The following PCDHAC1 variants were observed in gnomAD, a reference collection of about 807,000 sequenced individuals.
The protein encoded by PCDHAC1 is protocadherin alpha subfamily C, 1, also known as protocadherin alpha-C1.
Under a neutral mutation model 60.0 loss-of-function variants are expected in PCDHAC1, and 42 were observed. The observed-to-expected ratio is 0.70, with a 90% CI of 0.55 to 0.90. PCDHAC1 has a LOEUF of 0.90. Ranked by LOEUF, PCDHAC1 falls within the 40% of genes least tolerant of loss-of-function variation. PCDHAC1 has a pLI of 0.00. For synonymous variants in PCDHAC1, 468 were observed against 499.3 expected (o/e 0.94, Z 0.84); for missense variants, 1,160 against 1,222.3 (o/e 0.95, Z 0.76).
intron 3 of PCDHAC1, among the ~76,000 whole-genome samples, chr5:140,985,922 G>A (rs1361292887): frequency 6.6e-6 from 1 of 151,826 alleles, no homozygotes; most frequent in African/African-American, 2.4e-5. Flanking sequence ...TGTATTTTTA[G>A]TAGAGCCGGG....
Position 140,928,309 on chromosome 5 carries a change from G to C in PCDHAC1, c.1417G>C (p.Asp473His). The change falls in exon 1 of 4, where the codon GAC becomes CAC. Residue 473 changes from aspartate (D) to histidine (H), a missense_variant. Asp to His is a moderately conservative substitution (Grantham distance 81). Transcript: ENST00000253807. ...AGGCCGAGTGTTTGCCCAGGACCCC[G>C]ACCTGGGGAAGAATGGCCTTGTCTC... ...SLGRVFAQDP[D>H]LGKNGLVSYE... The C allele has an allele frequency of 6.2e-7, 1 of 1,614,124 alleles. No individual in the cohort carries two copies. Among genetic ancestry groups the C allele is most frequent in the Non-Finnish European group, 8.5e-7 (1 of 1,180,040 alleles).
chr5:140,967,460 G>C, intron 1 of PCDHAC1: 1 of 1,613,538 alleles, frequency 6.2e-7, no homozygotes, highest in African/African-American at 1.3e-5. Context: ...AGCCGTGGAT[G>C]GGGGCATCCC....
At chr5:140,967,159 G>A in intron 1 of PCDHAC1, 2 of 1,610,752 alleles carry the variant, frequency 1.2e-6, no homozygotes, top group Non-Finnish European at 1.7e-6. Context: ...CCGTGGCGGT[G>A]AGCGCCGTTG....
At position 140,926,866 on chromosome 5, in the gene PCDHAC1, G is replaced by C; in HGVS notation, c.-27G>C. On this transcript the variant is annotated 5_prime_UTR_variant, in exon 1 of 4. Coordinates refer to ENST00000253807, the MANE Select transcript of PCDHAC1 (RefSeq NM_018898.5). Reference sequence around the variant, plus strand: ...TGGGTCACCGTTGGTGTAGCGTGTTGGTGGAACGTGGACGCCTAGAGGGAG... The same window carrying C: ...TGGGTCACCGTTGGTGTAGCGTGTTCGTGGAACGTGGACGCCTAGAGGGAG... 6.6e-7 allele frequency: 1 copy of C among 1,524,204 alleles called. No individual in the cohort carries two copies. The highest frequency in any genetic ancestry group is 8.8e-7 in the Non-Finnish European group (1 of 1,135,784). 94.4% of individuals were successfully genotyped at this position (1,524,204 alleles called of 1,614,324 possible). A position where few individuals can be genotyped will look rare whatever the true frequency, so the allele number is the denominator to read the frequency against.
chr5:140,981,042 C>A (rs782145088), intron 2 of PCDHAC1, among the ~76,000 whole-genome samples: 22 of 151,970 alleles, frequency 1.4e-4, no homozygotes, highest in Non-Finnish European at 2.9e-4. Flanking sequence ...GGAAAAAAAA[C>A]AGATAATTCT....
chr5:140,958,911 G>C (rs1458386566), intron 1 of PCDHAC1, among the ~76,000 whole-genome samples: 3 of 151,406 alleles, frequency 2.0e-5, no homozygotes, highest in African/African-American at 7.3e-5. Flanking sequence ...AGAAAAGTCT[G>C]CCTGGGTGTG....
At chr5:140,942,913 G>T (rs1467978300) in intron 1 of PCDHAC1, among the ~76,000 whole-genome samples, 1 of 148,868 alleles carries the variant, frequency 6.7e-6, no homozygotes, top group South Asian at 2.1e-4. Flanking sequence ...TAAGCGTGAA[G>T]AAAAAAAAAA....
At chr5:140,967,754 T>G (rs782221420) in intron 1 of PCDHAC1, 16 of 1,614,164 alleles carry the variant, frequency 9.9e-6, no homozygotes, top group South Asian at 7.7e-5. Flanking sequence ...GGAAGCCTCC[T>G]CCTACCAGAT....
intron 3 of PCDHAC1, among the ~76,000 whole-genome samples, chr5:140,982,811 A>G (rs1024619481): frequency 1.3e-5 from 2 of 150,966 alleles, no homozygotes; most frequent in Non-Finnish European, 1.5e-5. Flanking sequence ...GTGTGTGTGT[A>G]TGAAGTTTTT....
chr5:140,984,644 C>T (rs969349039), intron 3 of PCDHAC1, among the ~76,000 whole-genome samples: 20 of 152,136 alleles, frequency 1.3e-4, no homozygotes, highest in African/African-American at 4.3e-4. Context: ...CTGCCTTCTC[C>T]CTGTCCTTCT....
chr5:140,995,372 G>A (rs1363484150), intron 3 of PCDHAC1, among the ~76,000 whole-genome samples: 3 of 152,168 alleles, frequency 2.0e-5, no homozygotes, highest in African/African-American at 7.2e-5. Context: ...GATGATTCAC[G>A]TACTGGGCAG....
chr5:140,966,665 G>A, intron 1 of PCDHAC1: 1 of 1,258,258 alleles, frequency 7.9e-7, no homozygotes. Flanking sequence ...GGGGGAGCAG[G>A]CGCAGGGTGG....
chr5:140,980,724 T>G (rs2096903192), intron 2 of PCDHAC1, among the ~76,000 whole-genome samples: 1 of 152,176 alleles, frequency 6.6e-6, no homozygotes, highest in Non-Finnish European at 1.5e-5. Flanking sequence ...GGGTTTCAAT[T>G]AAGATATTAT....
At chr5:140,965,237 G>A (rs2095882583) in intron 1 of PCDHAC1, among the ~76,000 whole-genome samples, 1 of 152,204 alleles carries the variant, frequency 6.6e-6, no homozygotes, top group African/African-American at 2.4e-5. Context: ...AACCTGGGAA[G>A]AGTGAATATT....
chr5:140,999,217 A>G (rs2097851437), intron 3 of PCDHAC1, among the ~76,000 whole-genome samples: 1 of 152,232 alleles, frequency 6.6e-6, no homozygotes, highest in Non-Finnish European at 1.5e-5. Context: ...TGGAAGTACT[A>G]CATTTGAGAA....
chr5:140,986,853 A>G (rs1424493333), intron 3 of PCDHAC1, among the ~76,000 whole-genome samples: 3 of 152,206 alleles, frequency 2.0e-5, no homozygotes, highest in Admixed American at 6.5e-5. Flanking sequence ...AGCAACACCA[A>G]CAATACCCGG....
At chr5:140,967,562 C>T in intron 1 of PCDHAC1, 1 of 1,614,064 alleles carries the variant, frequency 6.2e-7, no homozygotes, top group Non-Finnish European at 8.5e-7. Context: ...TCGCGTCCAG[C>T]TACGGGAGGA....
intron 3 of PCDHAC1, among the ~76,000 whole-genome samples, chr5:140,997,288 T>C (rs1554255825): frequency 1.3e-5 from 2 of 152,222 alleles, no homozygotes; most frequent in African/African-American, 4.8e-5. Context: ...CACTTAACAA[T>C]GGGGATACAC....
Position 140,967,279 on chromosome 5 carries a change from T to G in PCDHAC1, c.2434-11670T>G, listed in dbSNP as rs184476796. The G allele has an allele frequency of 7.8e-5, 126 of 1,613,002 alleles. 1 individual carries two copies. The East Asian group carries it at 2.6e-3, about 34-fold the overall frequency. On this transcript the variant is annotated intron_variant, in intron 1 of 3. Coordinates refer to ENST00000253807, the MANE Select transcript of PCDHAC1 (RefSeq NM_018898.5). ...CTGGAGCGCGCTTTCACATAGAGAGTGCGCAGGACCCCGACGTGGGCGCCA... is the reference window on the plus strand; with the variant it reads ...CTGGAGCGCGCTTTCACATAGAGAGGGCGCAGGACCCCGACGTGGGCGCCA...
Sources: allele counts gnomAD v4.1 joint callset (sites outside exome capture counted in the v4.1 genomes callset), GRCh38; gene constraint gnomAD v4.1.1; transcripts MANE v1.5; gene names NCBI Gene and HGNC (gene_info 2026-07-23, HGNC 2026-07-21).